The following ZNF721 variants were observed in gnomAD, a reference collection of about 807,000 sequenced individuals.
ZNF721 encodes the protein zinc finger protein 721.
ZNF721 carries 2 observed loss-of-function variants against 2.4 expected under a neutral mutation model. The ratio of observed to expected loss-of-function variants is 0.82; its 90% CI spans 0.34 to 2.58. The LOEUF is 2.58. Among genes scored for constraint, ZNF721 ranks in the 30% most tolerant of loss-of-function variants. The pLI, the probability that ZNF721 is intolerant of heterozygous loss-of-function variation, is 0.11. For missense variants in ZNF721, 1,187 were observed against 1,085.5 expected, an observed-to-expected ratio of 1.09 and a Z score of -1.31; for synonymous variants, 398 against 381.8, an observed-to-expected ratio of 1.04 and a Z score of -0.50.
At position 443,367 on chromosome 4, in the gene ZNF721, CCA is replaced by C. The variant is rs553713749; in HGVS notation, c.1098_1099del (p.Cys366TrpfsTer26). 71 of 1,613,938 alleles carry C rather than the reference CCA, an allele frequency of 4.4e-5. No homozygotes were observed. The highest frequency in any genetic ancestry group is 5.8e-5 in the Non-Finnish European group (68 of 1,179,980). On this transcript the variant is annotated frameshift_variant, in exon 3 of 3. Transcript: ENST00000511833. LOFTEE classifies it low-confidence loss of function (END_TRUNC). ...GGCTGTGTACCGTCCAAAGGCTTTG[CCA>C]CAGTCTTCGCATTTGTAAGGTTTCT...
chr4:448,692 C>A (rs143352443), intron 2 of ZNF721, among the ~76,000 whole-genome samples: 1 of 152,072 alleles, frequency 6.6e-6, no homozygotes, highest in African/African-American at 2.4e-5. Flanking sequence ...GATTTCAAAA[C>A]ACATACAAAG....
chr4:495,603 TTTC>T (rs1213770448), intron 1 of ZNF721, among the ~76,000 whole-genome samples: 94 of 144,160 alleles, frequency 6.5e-4, no homozygotes, highest in African/African-American at 2.2e-3. Context: ...AAGTTTGCCA[TTTC>T]TTCTTTTTTT....
Position 490,953 on chromosome 4 carries a change from C to CA in ZNF721, c.-94+8102dup, listed in dbSNP as rs782176446. On this transcript the variant is annotated intron_variant, in intron 1 of 2. Transcript: ENST00000511833. Reference sequence around the variant, plus strand: ...TGGCAGGCAGTGCGAGACTACATCTCAAAAAAAAAAAAAAGAACAGGAAGG... The same window carrying CA: ...TGGCAGGCAGTGCGAGACTACATCTCAAAAAAAAAAAAAAAGAACAGGAAGG... Among the ~76,000 whole-genome samples the CA allele has an allele frequency of 3.8e-3, 456 of 119,356 alleles. 1 individual carries two copies. Among genetic ancestry groups the CA allele is most frequent in the African/African-American group, 8.8e-3 (284 of 32,332 alleles). The allele number at this position is 119,356 out of a possible 152,430, so 78.3% of individuals were successfully genotyped here.
In ZNF721 at chr4:440,674, T is replaced by C. The variant is rs1714203668; in HGVS notation, c.*1021A>G. The C allele has an allele frequency of 6.6e-6, 1 of 152,238 alleles. No homozygotes were observed. Among genetic ancestry groups the C allele is most frequent in the Non-Finnish European group, 1.5e-5 (1 of 68,050 alleles). 9.4% of individuals were successfully genotyped at this position (152,238 alleles called of 1,614,324 possible). On this transcript the variant is annotated 3_prime_UTR_variant, in exon 3 of 3. Coordinates refer to ENST00000511833, the MANE Select transcript of ZNF721 (RefSeq NM_133474.4). ...TTCTCTGGTGTTTCTTTTCTTTTTA[T>C]CTTGTTTTGAGACAGAGTTTCACTC...
At chr4:490,517 C>G (rs782788419) in intron 1 of ZNF721, among the ~76,000 whole-genome samples, 3 of 151,934 alleles carry the variant, frequency 2.0e-5, no homozygotes, top group Non-Finnish European at 2.9e-5. Context: ...TTATCACAAA[C>G]AATTTCACTT....
chr4:448,159 C>CA (rs1211278195), intron 2 of ZNF721, among the ~76,000 whole-genome samples: 1 of 151,794 alleles, frequency 6.6e-6, no homozygotes, highest in Non-Finnish European at 1.5e-5. Context: ...TATTAGGGCA[C>CA]AAAAAAAGTC....
intron 1 of ZNF721, among the ~76,000 whole-genome samples, chr4:478,770 AT>A (rs35238850): frequency 0.018 from 2,527 of 142,478 alleles, 52 homozygotes; most frequent in African/African-American, 0.056. Flanking sequence ...GAAAGGTCTG[AT>A]TTTTTTTTTT....
chr4:450,024 T>C (rs782763859), intron 2 of ZNF721, among the ~76,000 whole-genome samples: 4 of 152,210 alleles, frequency 2.6e-5, no homozygotes, highest in African/African-American at 4.8e-5. Flanking sequence ...CAAATGGTAT[T>C]TTAACACTGT....
intron 1 of ZNF721, among the ~76,000 whole-genome samples, chr4:477,762 TAAAG>T (rs1715669801): frequency 6.6e-6 from 1 of 152,036 alleles, no homozygotes; most frequent in Admixed American, 6.6e-5. Context: ...GAAATACCTA[TAAAG>T]AAAGAACACC....
intron 2 of ZNF721, among the ~76,000 whole-genome samples, chr4:458,673 C>T (rs1305930192): frequency 6.6e-6 from 1 of 152,106 alleles, no homozygotes; most frequent in African/African-American, 2.4e-5. Context: ...TGGCAAGACC[C>T]CATCTCTACT....
chr4:498,939 T>C (rs1716504240), intron 1 of ZNF721, 117 bp downstream of exon 1: 1 of 208,606 alleles, frequency 4.8e-6, no homozygotes, highest in South Asian at 5.6e-5. Flanking sequence ...TTGGCCAGGA[T>C]AGTCTCGATC....
rs1332968767 is a variant in ZNF721, at chr4:441,934, C to T, written c.2533G>A (p.Ala845Thr). Residue 845 changes from alanine (A) to threonine (T), a missense_variant, in exon 3 of 3, where the codon GCC becomes ACC. Physicochemically the swap from Ala to Thr is moderately conservative, Grantham distance 58. Coordinates refer to ENST00000511833, the MANE Select transcript of ZNF721 (RefSeq NM_133474.4). ...KPYTCEECGK[A>T]FRQSAILYVH... ...TAAAGGATTGCTGACTGTCTAAAGG[C>T]TTTGCCACATTCTTCACATGTGTAG... 1 of 1,613,526 alleles carries T rather than the reference C, an allele frequency of 6.2e-7. No individual in the cohort carries two copies. The highest frequency in any genetic ancestry group is 2.2e-5 in the East Asian group (1 of 44,864).
chr4:495,889 A>C (rs1215878530), intron 1 of ZNF721, among the ~76,000 whole-genome samples: 3 of 152,192 alleles, frequency 2.0e-5, no homozygotes, highest in Non-Finnish European at 4.4e-5. Context: ...GGCGTGAGCC[A>C]CTGAGCATGG....
At chr4:450,539 G>GA (rs1193596556) in intron 2 of ZNF721, among the ~76,000 whole-genome samples, 7 of 151,314 alleles carry the variant, frequency 4.6e-5, no homozygotes, top group Admixed American at 3.3e-4. Flanking sequence ...AAAGGCTCAG[G>GA]AAAAAAAATA....
At chr4:464,454 G>A (rs1419799340) in intron 2 of ZNF721, among the ~76,000 whole-genome samples, 2 of 133,574 alleles carry the variant, frequency 1.5e-5, no homozygotes, top group African/African-American at 5.7e-5. Context: ...GGGCTACAGA[G>A]CGAGACTCCA....
intron 1 of ZNF721, among the ~76,000 whole-genome samples, chr4:477,785 C>A (rs1403119583): frequency 6.6e-6 from 1 of 152,134 alleles, no homozygotes; most frequent in Admixed American, 6.5e-5. Flanking sequence ...CCCTGATACA[C>A]CCCTAAGAGA....
intron 2 of ZNF721, among the ~76,000 whole-genome samples, chr4:459,506 G>A (rs567036185): frequency 2.5e-4 from 38 of 151,994 alleles, no homozygotes; most frequent in African/African-American, 8.7e-4. Flanking sequence ...CCTAGTCTCT[G>A]ATAAAACAGA....
At chr4:460,405 C>T (rs1249603091) in intron 2 of ZNF721, among the ~76,000 whole-genome samples, 1 of 152,060 alleles carries the variant, frequency 6.6e-6, no homozygotes, top group Non-Finnish European at 1.5e-5. Flanking sequence ...AAAGACACAA[C>T]CTACTAGAAT....
intron 1 of ZNF721, among the ~76,000 whole-genome samples, chr4:487,747 G>A (rs1274145963): frequency 1.3e-5 from 2 of 152,180 alleles, no homozygotes; most frequent in Non-Finnish European, 2.9e-5. Flanking sequence ...TGGAGACAGG[G>A]AACTTAAGGC....
Sources: allele counts gnomAD v4.1 joint callset (sites outside exome capture counted in the v4.1 genomes callset), GRCh38; gene constraint gnomAD v4.1.1; transcripts MANE v1.5; gene names NCBI Gene and HGNC (gene_info 2026-07-23, HGNC 2026-07-21).